The following BOD1L1 variants were observed in gnomAD, a reference collection of about 807,000 sequenced individuals.
BOD1L1 encodes biorientation of chromosomes in cell division 1 like 1.
A neutral mutation model predicts 240.7 loss-of-function variants in BOD1L1; 86 were observed. The ratio of observed to expected loss-of-function variants is 0.36; its 90% confidence interval spans 0.30 to 0.43. The LOEUF (loss-of-function observed/expected upper bound fraction) is 0.43, where lower values mean the gene tolerates loss of function less well. Ranked by LOEUF, BOD1L1 falls within the 20% of genes least tolerant of loss-of-function variation. The pLI is 1.00. For missense variants in BOD1L1, 3,554 were observed against 3,643.5 expected, an observed-to-expected ratio of 0.98 and a Z score of 0.63; for synonymous variants, 1,268 against 1,272.3, an observed-to-expected ratio of 1.00 and a Z score of 0.07.
Position 13,586,433 on chromosome 4 carries a change from T to G in BOD1L1, c.8396A>C (p.Gln2799Pro). The G allele has an allele frequency of 6.2e-7, 1 of 1,612,626 alleles. No homozygotes were observed. The highest frequency in any genetic ancestry group is 2.2e-5 in the East Asian group (1 of 44,846). Reference sequence around the variant, plus strand: ...TGGCTCCGTTTCAGGACACTGCCTTTGTGCTGTTTCTATTCTGGAATCCAG... The same window carrying G: ...TGGCTCCGTTTCAGGACACTGCCTTGGTGCTGTTTCTATTCTGGAATCCAG... ...DVLDSRIETA[Q>P]RQCPETEPHD... is the part of the protein sequence containing the mutation. Residue 2799 changes from glutamine (Q) to proline (P), a missense_variant, in exon 17 of 26, where the codon CAA (glutamine) becomes CCA (proline). Coordinates refer to ENST00000040738, the MANE Select transcript of BOD1L1 (RefSeq NM_148894.3).
Position 13,601,883 on chromosome 4 carries a change from T to C in BOD1L1, c.5017A>G (p.Ile1673Val), listed in dbSNP as rs1409536602. Residue 1673 changes from isoleucine (I) to valine (V), a missense_variant, in exon 10 of 26, where the codon ATA (isoleucine) becomes GTA (valine). This residue lies in a region of BOD1L1 where 3,393 missense variants were observed against 3,427.1 expected (regional missense o/e 0.99). Coordinates refer to ENST00000040738, the MANE Select transcript of BOD1L1 (RefSeq NM_148894.3). ...CDGSLSRDSE[I>V]VEGTITFISE... The stretch of plus-strand genomic sequence containing the variant: ...ATAAAAGTAATAGTTCCTTCAACTA[T>C]TTCTGAGTCTCTACTTAAAGAACCA... 3 of 1,614,020 alleles carry C rather than the reference T, an allele frequency of 1.9e-6. No homozygotes were observed. Among genetic ancestry groups the C allele is most frequent in the South Asian group, 1.1e-5 (1 of 91,090 alleles).
chr4:13,603,533 C>A lies in BOD1L1; in HGVS notation c.3367G>T (p.Asp1123Tyr). 1 of 1,613,996 alleles carries A rather than the reference C, an allele frequency of 6.2e-7. No homozygotes were observed. The highest frequency in any genetic ancestry group is 8.5e-7 in the Non-Finnish European group (1 of 1,179,888). ...ACATTTTCAACACCTGGCTCAGAATCAATTTCCATTGGCTCTTGTTCAGGG... is the reference window on the plus strand; with the variant it reads ...ACATTTTCAACACCTGGCTCAGAATAAATTTCCATTGGCTCTTGTTCAGGG... Reference protein sequence around the residue: ...LIPEQEPMEIDSEPGVENVFE... With the variant: ...LIPEQEPMEIYSEPGVENVFE... The change falls in exon 10 of 26, where the codon GAT (aspartate) becomes TAT (tyrosine). Residue 1123 changes from aspartate (D) to tyrosine (Y), a missense_variant. Physicochemically the swap from Asp to Tyr is radical, Grantham distance 160. Coordinates refer to ENST00000040738, the MANE Select transcript of BOD1L1 (RefSeq NM_148894.3).
rs549342680 is a variant in BOD1L1 at position 13,609,343 on chromosome 4, G to A, written c.1555C>T (p.Arg519Ter). The change falls in exon 7 of 26, where the codon CGA (arginine) becomes TGA (stop). Residue 519 changes from arginine (R) to a stop codon, truncating the protein, a stop_gained. Coordinates refer to ENST00000040738, the MANE Select transcript of BOD1L1 (RefSeq NM_148894.3). LOFTEE classifies it high-confidence loss of function. ...TTTGTCTTTTCTGCTTTCTGTTTTC[G>A]TTTTTCTTCAAGTTTTTCTCTATTG... Reference protein sequence around the residue: ...QINREKLEEKRKQKAEKTKSS... With the variant: ...QINREKLEEK 8 of 1,555,482 alleles carry A rather than the reference G, an allele frequency of 5.1e-6. No individual in the cohort carries two copies. Among genetic ancestry groups the A allele is most frequent in the South Asian group, 1.2e-5 (1 of 80,152 alleles).
At position 13,599,114 on chromosome 4, in the gene BOD1L1, C is replaced by G; in HGVS notation, c.7786G>C (p.Ala2596Pro). Reference sequence around the variant, plus strand: ...GTCAAGTCCTGCTCACATTTAGGAGCCAACAGAGCTACACTGTAAGTAGCT... The same window carrying G: ...GTCAAGTCCTGCTCACATTTAGGAGGCAACAGAGCTACACTGTAAGTAGCT... ...PPATYSVALL[A>P]PKCEQDLTIK... The change falls in exon 10 of 26, where the codon GCT becomes CCT. Residue 2596 changes from alanine (A) to proline (P), a missense_variant. Ala to Pro is a conservative substitution (Grantham distance 27). This residue lies in a region of BOD1L1 where 3,393 missense variants were observed against 3,427.1 expected (regional missense o/e 0.99). Coordinates refer to ENST00000040738, the MANE Select transcript of BOD1L1 (RefSeq NM_148894.3). The G allele has an allele frequency of 1.2e-6, 2 of 1,613,998 alleles. No individual in the cohort carries two copies. The highest frequency in any genetic ancestry group is 2.2e-5 in the South Asian group (2 of 91,086).
chr4:13,578,548 C>T (rs1366765493), intron 22 of BOD1L1, among the ~76,000 whole-genome samples: 1 of 152,022 alleles, frequency 6.6e-6, no homozygotes, highest in African/African-American at 2.4e-5. Flanking sequence ...ATAACTGGTA[C>T]TTTTGTTTTA....
At chr4:13,596,841 C>T (rs1038994052) in intron 11 of BOD1L1, among the ~76,000 whole-genome samples, 4 of 151,998 alleles carry the variant, frequency 2.6e-5, no homozygotes, top group African/African-American at 7.2e-5. Context: ...TAAGAAATGG[C>T]GATAGATTAA....
chr4:13,591,188 G>A (rs1466653572), intron 13 of BOD1L1, among the ~76,000 whole-genome samples: 1 of 152,102 alleles, frequency 6.6e-6, no homozygotes, highest in Non-Finnish European at 1.5e-5. Flanking sequence ...TATAGGCCAT[G>A]CCACTGTGCC....
rs770449642 is a variant in BOD1L1, at chr4:13,614,568, C to G, written c.802G>C (p.Gly268Arg). The G allele has an allele frequency of 6.2e-7, 1 of 1,613,956 alleles. No individual in the cohort carries two copies. The highest frequency in any genetic ancestry group is 1.1e-5 in the South Asian group (1 of 91,082). Reference sequence around the variant, plus strand: ...TTTGGGGCTGTTTCCAGTCCTTCACCTCCAGAGTCAGCTGTAGATTTTTCT... The same window carrying G: ...TTTGGGGCTGTTTCCAGTCCTTCACGTCCAGAGTCAGCTGTAGATTTTTCT... ...DKEKSTADSG[G>R]EGLETAPKSE... Residue 268 changes from glycine to arginine, a missense_variant, in exon 4 of 26, where the codon GGT becomes CGT. Coordinates refer to ENST00000040738, the MANE Select transcript of BOD1L1 (RefSeq NM_148894.3).
chr4:13,581,315 C>G (rs1713216135), intron 19 of BOD1L1, 108 bp from the exon 20 acceptor site: 1 of 724,974 alleles, frequency 1.4e-6, no homozygotes, highest in East Asian at 2.8e-5. Flanking sequence ...TAAGAGACCT[C>G]AAATCCTAGC....
rs544579768 is a variant in BOD1L1, at chr4:13,594,690, A to T, written c.8104+1170T>A. On this transcript the variant is annotated intron_variant, in intron 12 of 25. Coordinates refer to ENST00000040738, the MANE Select transcript of BOD1L1 (RefSeq NM_148894.3). ...GGCGGGCGGATCACGAGGTCAGGAG[A>T]TCGAGACCATCCTGGCCAATATGGT... 5.0e-3 allele frequency among the ~76,000 whole-genome samples: 768 copies of T among 152,240 alleles called. 1 individual carries two copies. The highest frequency in any genetic ancestry group is 8.7e-3 in the Non-Finnish European group (590 of 68,004).
rs768130714 is a variant in BOD1L1 at position 13,604,325 on chromosome 4, G to C, written c.2575C>G (p.Gln859Glu). Residue 859 changes from glutamine (Q) to glutamate (E), a missense_variant, in exon 10 of 26, where the codon CAA becomes GAA. By Grantham distance (29) the Gln-to-Glu change is conservative. Around this residue, in one of 2 missense-constraint regions of BOD1L1, gnomAD observed 3,393 missense variants for 3,427.1 expected, o/e 0.99. Transcript: ENST00000040738. ...CTTCTCTGTAATGTGATACCATGTT[G>C]CTTGGAACCCAGAGAATCTTTCTGA... Reference protein sequence around the residue: ...KIQKDSLGSKQHGITLQRRSE... With the variant: ...KIQKDSLGSKEHGITLQRRSE... 32 of 1,588,624 alleles carry C rather than the reference G, an allele frequency of 2.0e-5. No homozygotes were observed. Among genetic ancestry groups the C allele is most frequent in the Middle Eastern group, 1.7e-4 (1 of 5,936 alleles).
intron 17 of BOD1L1, among the ~76,000 whole-genome samples, chr4:13,585,602 G>A (rs1713614928): frequency 2.6e-5 from 4 of 152,148 alleles, no homozygotes; most frequent in Admixed American, 2.6e-4. Flanking sequence ...GGCAATGGGT[G>A]AGGCCAATCC....
chr4:13,611,165 T>C (rs539455519), intron 5 of BOD1L1, 65 bp from the exon 6 acceptor site: 9 of 1,201,718 alleles, frequency 7.5e-6, no homozygotes, highest in African/African-American at 3.0e-5. Context: ...CATTATGCTG[T>C]ACAAGCAGTA....
Position 13,601,408 on chromosome 4 carries a change from T to C in BOD1L1, c.5492A>G (p.Asp1831Gly), listed in dbSNP as rs778002856. 1.4e-5 allele frequency: 22 copies of C among 1,614,066 alleles called. No individual in the cohort carries two copies. The Admixed American group carries it at 3.3e-4, about 24-fold the overall frequency. ...AGTGCCTTCTTTGGCCACTGTGCTG[T>C]CCATTGCACTCTCTCCATTTTCTTC... is the stretch of plus-strand genomic sequence containing the variant. ...ESEENGESAM[D>G]STVAKEGTNV... The change falls in exon 10 of 26, where the codon GAC becomes GGC. Residue 1831 changes from aspartate to glycine, a missense_variant. Physicochemically the swap from Asp to Gly is moderately conservative, Grantham distance 94 (BLOSUM62 -1). This residue lies in a region of BOD1L1 where 3,393 missense variants were observed against 3,427.1 expected (regional missense o/e 0.99). Coordinates refer to ENST00000040738, the MANE Select transcript of BOD1L1 (RefSeq NM_148894.3).
chr4:13,599,356 G>A lies in BOD1L1; in HGVS notation c.7544C>T (p.Thr2515Met), dbSNP rs780410021. ...AATGCTGACAGAGGGATCCTTAGCC[G>A]TCTGCCCAGACGTCTGTTCTGGTCC... ...LRGPEQTSGQ[T>M]AKDPSVSIRY... Residue 2515 changes from threonine (T) to methionine (M), a missense_variant, in exon 10 of 26, where the codon ACG (threonine) becomes ATG (methionine). Physicochemically the swap from Thr to Met is moderately conservative, Grantham distance 81 (BLOSUM62 -1). This residue lies in a region of BOD1L1 where 3,393 missense variants were observed against 3,427.1 expected (regional missense o/e 0.99). Transcript: ENST00000040738. The A allele has an allele frequency of 6.2e-6, 10 of 1,613,954 alleles. No individual in the cohort carries two copies. The highest frequency in any genetic ancestry group is 3.3e-5 in the Admixed American group (2 of 60,018).
chr4:13,618,967 C>G (rs536656984), intron 2 of BOD1L1, among the ~76,000 whole-genome samples: 6 of 152,036 alleles, frequency 3.9e-5, no homozygotes, highest in African/African-American at 1.4e-4. Flanking sequence ...CTTAGTCACC[C>G]TTTTTTTGAG....
At chr4:13,627,018 C>T (rs1717446579) in intron 1 of BOD1L1, among the ~76,000 whole-genome samples, 1 of 152,188 alleles carries the variant, frequency 6.6e-6, no homozygotes, top group Non-Finnish European at 1.5e-5. Context: ...AACTTCGATA[C>T]AAAGTAAAAT....
Position 13,613,476 on chromosome 4 carries a change from G to T in BOD1L1, c.1324+36C>A. The T allele has an allele frequency of 6.3e-7, 1 of 1,578,958 alleles. No homozygotes were observed. The highest frequency in any genetic ancestry group is 8.7e-7 in the Non-Finnish European group (1 of 1,154,520). On this transcript the variant is annotated intron_variant, in intron 5 of 25. Transcript: ENST00000040738. The surrounding 1 kb of genome is among the most constrained non-coding windows in gnomAD (Gnocchi z 4.0). ...AGAATATACAAATAATGCTTGACAG[G>T]ATGCTTCAGAGGCATTATTATGTAA...
Position 13,573,616 on chromosome 4 carries a change from C to T in BOD1L1, c.9038+3222G>A, listed in dbSNP as rs565776520. Among the ~76,000 whole-genome samples, 14 of 152,114 alleles carry T rather than the reference C, an allele frequency of 9.2e-5. No homozygotes were observed. In the East Asian group the frequency reaches 2.7e-3, roughly 29 times the overall value. ...TCTTCTCACTGCAACCTCCACTTCC[C>T]GGGTTCAAGCAATTCTCCTGCCTCA... is the stretch of plus-strand genomic sequence containing the variant. On this transcript the variant is annotated intron_variant, in intron 25 of 25. Transcript: ENST00000040738.
Sources: gnomAD v4.1 joint callset for allele counts (sites outside exome capture counted in the v4.1 genomes callset) on GRCh38, gnomAD v4.1.1 for gene constraint, gnomAD v4.1.1 regional missense constraint, Gnocchi (gnomAD v3.1) non-coding constraint, MANE v1.5 for transcripts, NCBI Gene and HGNC (gene_info 2026-07-23, HGNC 2026-07-21) for gene names.